DDX46: variants seen among roughly 807,000 people sequenced by gnomAD.
The protein encoded by DDX46 is DEAD-box helicase 46, also known as probable ATP-dependent RNA helicase DDX46.
Under a neutral mutation model 134.9 loss-of-function variants are expected in DDX46, and 30 were observed. That is an observed-to-expected ratio of 0.22 (90% CI 0.17 to 0.30). DDX46 has a LOEUF of 0.30. Ranked by LOEUF, DDX46 falls within the 10% of genes least tolerant of loss-of-function variation. The pLI, the probability that DDX46 is intolerant of heterozygous loss-of-function variation, is 1.00. For synonymous variants in DDX46, 415 were observed against 404.1 expected, an observed-to-expected ratio of 1.03 and a Z score of -0.32; for missense variants, 622 against 1,248.7, an observed-to-expected ratio of 0.50 and a Z score of 7.56.
intron 6 of DDX46, 41 bp downstream of exon 6, chr5:134,777,766 G>A (rs1257209219): frequency 6.4e-7 from 1 of 1,570,122 alleles, no homozygotes. Context: ...GTTTCCTCTT[G>A]GGTAACTTGA....
intron 13 of DDX46, among the ~76,000 whole-genome samples, chr5:134,794,508 C>T (rs1426748458): frequency 6.6e-6 from 1 of 152,082 alleles, no homozygotes; most frequent in African/African-American, 2.4e-5. Context: ...ATTCCTAGTA[C>T]TTAGAACAGT....
chr5:134,827,018 C>G lies in DDX46; in HGVS notation c.3049C>G (p.Leu1017Val). The change falls in exon 22 of 23, where the codon CTG becomes GTG. Residue 1017 changes from leucine (L) to valine (V), a missense_variant and splice_region_variant. This residue lies in a region of DDX46 where 76 missense variants were observed against 213.0 expected (regional missense o/e 0.36). Coordinates refer to ENST00000452510, the MANE Select transcript of DDX46 (RefSeq NM_001300860.2). ...TRLIKEELIR[L>V]QNSYQPTNKG... ...GCTCATAAAAGAAGAGCTGATCCGG[C>G]TGGTGAGTGAAAACCTTAAAGTTTC... The G allele has an allele frequency of 6.2e-7, 1 of 1,611,704 alleles. No individual in the cohort carries two copies. The highest frequency in any genetic ancestry group is 8.5e-7 in the Non-Finnish European group (1 of 1,179,028).
At chr5:134,760,951 G>T (rs987324799) in intron 1 of DDX46, among the ~76,000 whole-genome samples, 1 of 151,904 alleles carries the variant, frequency 6.6e-6, no homozygotes, top group Admixed American at 6.6e-5. Flanking sequence ...GGGTGGTCTC[G>T]ATCTCCTGAC....
At chr5:134,822,606 C>T (rs1395563224) in intron 21 of DDX46, among the ~76,000 whole-genome samples, 1 of 152,054 alleles carries the variant, frequency 6.6e-6, no homozygotes, top group Non-Finnish European at 1.5e-5. Context: ...CCCAAACCTA[C>T]TCATCTTTTT....
At chr5:134,817,347 A>C (rs1401804769) in intron 19 of DDX46, 149 bp from the exon 20 acceptor site, 2 of 705,878 alleles carry the variant, frequency 2.8e-6, no homozygotes, top group East Asian at 5.6e-5. Context: ...TTGCTAAATC[A>C]CACATATCAA....
intron 13 of DDX46, among the ~76,000 whole-genome samples, chr5:134,793,826 G>A (rs1754576848): frequency 6.6e-6 from 1 of 152,120 alleles, no homozygotes; most frequent in Non-Finnish European, 1.5e-5. Context: ...GATTGTTGTA[G>A]GCAGTCTGGC....
At chr5:134,826,805 C>A in intron 21 of DDX46, 142 bp from the exon 22 acceptor site, 1 of 643,820 alleles carries the variant, frequency 1.6e-6, no homozygotes, top group Non-Finnish European at 2.6e-6. Flanking sequence ...TAATGTTCCA[C>A]CAGGCATTAA....
rs1297510115 is a variant in DDX46 at position 134,828,482 on chromosome 5, A to T, written c.3052-177A>T. ...GTTATTGAATAGTTTTTCCTTTCTCAATGCAGTAATAGTAACATTTAAAAT... is the reference window on the plus strand; with the variant it reads ...GTTATTGAATAGTTTTTCCTTTCTCTATGCAGTAATAGTAACATTTAAAAT... On this transcript the variant is annotated intron_variant, in intron 22 of 22. Transcript: ENST00000452510. 3.3e-5 allele frequency among the ~76,000 whole-genome samples: 5 copies of T among 152,310 alleles called. No homozygotes were observed. In the East Asian group the frequency reaches 9.6e-4, roughly 29 times the overall value.
At chr5:134,796,877 C>A (rs571092628) in intron 15 of DDX46, among the ~76,000 whole-genome samples, 1 of 145,992 alleles carries the variant, frequency 6.8e-6, no homozygotes, top group Non-Finnish European at 1.5e-5. Flanking sequence ...AAAGGCCAGG[C>A]GAGGTGGCTC....
chr5:134,764,095 A>G lies in DDX46; in HGVS notation c.206+3A>G. On this transcript the variant is annotated splice_donor_region_variant and intron_variant, in intron 2 of 22. Coordinates refer to ENST00000452510, the MANE Select transcript of DDX46 (RefSeq NM_001300860.2). ...TCAAGGGACAGGAAGCGTCTGAGGTAAGACATTAATTAATTTCCAAAAGAC... is the reference window on the plus strand; with the variant it reads ...TCAAGGGACAGGAAGCGTCTGAGGTGAGACATTAATTAATTTCCAAAAGAC... 6.3e-7 allele frequency: 1 copy of G among 1,595,240 alleles called. No individual in the cohort carries two copies. The highest frequency in any genetic ancestry group is 8.5e-7 in the Non-Finnish European group (1 of 1,171,154).
At chr5:134,782,901 T>C in intron 8 of DDX46, 44 bp from the exon 9 acceptor site, 2 of 1,598,852 alleles carry the variant, frequency 1.3e-6, no homozygotes, top group Non-Finnish European at 1.7e-6. Flanking sequence ...AAGACACCAA[T>C]AGAACAATAT....
chr5:134,807,372 C>T (rs949766696), intron 15 of DDX46, among the ~76,000 whole-genome samples: 1 of 152,088 alleles, frequency 6.6e-6, no homozygotes, highest in Non-Finnish European at 1.5e-5. Flanking sequence ...GGTCCTTGGA[C>T]AAAACCGAGT....
chr5:134,788,848 C>CAA (rs59766087), intron 12 of DDX46, among the ~76,000 whole-genome samples: 14 of 136,014 alleles, frequency 1.0e-4, no homozygotes, highest in South Asian at 2.2e-4. Context: ...GACTCCGTCT[C>CAA]AAAAAAAAAA....
At chr5:134,827,736 T>C (rs1321977866) in intron 22 of DDX46, among the ~76,000 whole-genome samples, 1 of 152,222 alleles carries the variant, frequency 6.6e-6, no homozygotes, top group Non-Finnish European at 1.5e-5. Context: ...TTCATGGCCA[T>C]ATAATATTTA....
intron 1 of DDX46, among the ~76,000 whole-genome samples, chr5:134,760,985 T>C (rs1753363705): frequency 6.6e-6 from 1 of 152,138 alleles, no homozygotes; most frequent in African/African-American, 2.4e-5. Flanking sequence ...CGCCTCGGCC[T>C]CCCAAAGTTC....
intron 13 of DDX46, among the ~76,000 whole-genome samples, chr5:134,792,940 A>C (rs184270584): frequency 6.6e-6 from 1 of 152,172 alleles, no homozygotes; most frequent in East Asian, 1.9e-4. Flanking sequence ...GGATTGCTTG[A>C]ATTCAGGAGT....
chr5:134,773,950 T>A, intron 5 of DDX46, 89 bp downstream of exon 5: 1 of 1,328,912 alleles, frequency 7.5e-7, no homozygotes, highest in Non-Finnish European at 1.0e-6. Context: ...ATCTTTTTTA[T>A]TGTTGAAAAC....
chr5:134,805,321 C>T (rs1025876186), intron 15 of DDX46, among the ~76,000 whole-genome samples: 25 of 151,978 alleles, frequency 1.6e-4, no homozygotes, highest in African/African-American at 6.0e-4. Flanking sequence ...GCGCCTGCCA[C>T]CACGCCTGGC....
At chr5:134,786,964 C>T (rs1240535736) in intron 11 of DDX46, among the ~76,000 whole-genome samples, 1 of 152,086 alleles carries the variant, frequency 6.6e-6, no homozygotes, top group South Asian at 2.1e-4. Flanking sequence ...ACTCTGTTGC[C>T]CGGGCTGGAG....
Sources: allele counts gnomAD v4.1 joint callset (sites outside exome capture counted in the v4.1 genomes callset), GRCh38; gene constraint gnomAD v4.1.1; regional missense constraint gnomAD v4.1.1; transcripts MANE v1.5; gene names NCBI Gene and HGNC (gene_info 2026-07-23, HGNC 2026-07-21).